Variants in TDRD12 observed in about 807,000 individuals in gnomAD.
The protein encoded by TDRD12 is tudor domain containing 12, also known as putative ATP-dependent RNA helicase TDRD12.
Under a neutral mutation model 133.5 loss-of-function variants are expected in TDRD12, and 158 were observed. The observed-to-expected ratio is 1.18, with a 90% CI of 1.04 to 1.35. The LOEUF is 1.35. TDRD12 is among the 40% of genes most tolerant of loss of function. The pLI, the probability that TDRD12 is intolerant of heterozygous loss-of-function variation, is 0.00. For synonymous variants in TDRD12, 460 were observed against 477.9 expected (o/e 0.96, Z 0.49); for missense variants, 1,443 against 1,321.3 (o/e 1.09, Z -1.43).
At chr19:32,762,679 C>A (rs1970184459) in intron 8 of TDRD12, among the ~76,000 whole-genome samples, 1 of 152,186 alleles carries the variant, frequency 6.6e-6, no homozygotes, top group Non-Finnish European at 1.5e-5. Context: ...TTTCCTCTGG[C>A]CCCTCGACTC....
exon 1 of TDRD12, chr19:32,720,017 C>A: frequency 6.5e-7 from 1 of 1,542,322 alleles, no homozygotes; most frequent in Non-Finnish European, 8.7e-7. Flanking sequence ...GCCTCACCCG[C>A]GACGGTAGGG....
chr19:32,734,638 G>A (rs1969170546), intron 2 of TDRD12, among the ~76,000 whole-genome samples: 1 of 152,064 alleles, frequency 6.6e-6, no homozygotes, highest in South Asian at 2.1e-4. Context: ...CTCCCAAAAC[G>A]CTGGGATTAC....
intron 23 of TDRD12, 122 bp from the exon 24 acceptor site, chr19:32,811,088 G>T (rs1966986029): frequency 1.4e-6 from 1 of 740,342 alleles, no homozygotes. Context: ...TTTATTTCTA[G>T]TATAGAGTAA....
chr19:32,774,106 C>T (rs1048075455), intron 10 of TDRD12, among the ~76,000 whole-genome samples: 4 of 152,228 alleles, frequency 2.6e-5, no homozygotes, highest in Admixed American at 6.5e-5. Flanking sequence ...CTTCAAGATA[C>T]ATGTCAGTGA....
chr19:32,777,316 A>C (rs1196801100), intron 11 of TDRD12, 87 bp downstream of exon 11: 2 of 878,054 alleles, frequency 2.3e-6, no homozygotes, highest in Non-Finnish European at 3.4e-6. Context: ...TTTTATTATT[A>C]ATTTCAAACC....
chr19:32,750,213 A>T (rs904851562), intron 6 of TDRD12, among the ~76,000 whole-genome samples: 2 of 152,116 alleles, frequency 1.3e-5, no homozygotes, highest in Non-Finnish European at 2.9e-5. Flanking sequence ...CACTGTATGT[A>T]ACGTGCTTGC....
intron 8 of TDRD12, among the ~76,000 whole-genome samples, chr19:32,765,141 C>A (rs1436563692): frequency 6.6e-6 from 1 of 152,220 alleles, no homozygotes; most frequent in Non-Finnish European, 1.5e-5. Flanking sequence ...TGAAAAAATG[C>A]TCATCATTGC....
At position 32,784,341 on chromosome 19, in the gene TDRD12, G is replaced by C. The variant is rs137900000; in HGVS notation, c.1122-6190G>C. ...AGCCTTTCATCCCAGGGATGAAGCC[G>C]ACTTGATCATGGTGGATAAGCTTTT... is the stretch of plus-strand genomic sequence containing the variant. On this transcript the variant is annotated intron_variant, in intron 11 of 27. Coordinates refer to ENST00000444215, the Ensembl canonical transcript of TDRD12. Among the ~76,000 whole-genome samples the C allele has an allele frequency of 4.5e-3, 683 of 152,152 alleles. 5 individuals carry two copies. The highest frequency in any genetic ancestry group is 0.016 in the African/African-American group (647 of 41,522).
At position 32,783,722 on chromosome 19, in the gene TDRD12, A is replaced by G. The variant is rs192439613; in HGVS notation, c.1121+6493A>G. On this transcript the variant is annotated intron_variant, in intron 11 of 27. Coordinates refer to ENST00000444215, the Ensembl canonical transcript of TDRD12. ...TTCCTAGGTATTTTATTCTCTTAGTAGCAATTGTGAATGGGAGTTCACTCA... is the reference window on the plus strand; with the variant it reads ...TTCCTAGGTATTTTATTCTCTTAGTGGCAATTGTGAATGGGAGTTCACTCA... 5.8e-3 allele frequency among the ~76,000 whole-genome samples: 880 copies of G among 152,256 alleles called. 9 individuals are homozygous for G. Among genetic ancestry groups the G allele is most frequent in the African/African-American group, 0.02 (829 of 41,532 alleles).
At chr19:32,753,623 C>T (rs1434507706) in intron 6 of TDRD12, among the ~76,000 whole-genome samples, 1 of 151,986 alleles carries the variant, frequency 6.6e-6, no homozygotes, top group Non-Finnish European at 1.5e-5. Context: ...CCTGCCTCAG[C>T]CTCCTGAGTA....
chr19:32,780,331 C>T (rs1167263818), intron 11 of TDRD12, among the ~76,000 whole-genome samples: 1 of 152,168 alleles, frequency 6.6e-6, no homozygotes, highest in Non-Finnish European at 1.5e-5. Flanking sequence ...GGTGATCTGC[C>T]TGCCATTAGC....
chr19:32,752,351 TG>T (rs1969856180), intron 6 of TDRD12, among the ~76,000 whole-genome samples: 1 of 152,074 alleles, frequency 6.6e-6, no homozygotes, highest in Non-Finnish European at 1.5e-5. Flanking sequence ...GCTAATTTTT[TG>T]TATTTTTAGT....
intron 9 of TDRD12, 24 bp downstream of exon 32, chr19:32,826,773 C>T (rs986208700): frequency 8.1e-7 from 1 of 1,228,156 alleles, no homozygotes; most frequent in Non-Finnish European, 1.0e-6. Context: ...CGCCCACTCT[C>T]CGAGGGGTTG....
intron 11 of TDRD12, among the ~76,000 whole-genome samples, chr19:32,778,523 G>A (rs936876122): frequency 2.0e-5 from 3 of 151,486 alleles, no homozygotes; most frequent in South Asian, 2.1e-4. Flanking sequence ...AATTGGAGAC[G>A]GAATCTTGCT....
Position 32,722,180 on chromosome 19 carries a change from G to A in TDRD12, c.24+2084G>A, listed in dbSNP as rs1968704562. On this transcript the variant is annotated intron_variant, in intron 1 of 27. Transcript: ENST00000444215. ...CAGGCGAGCTCCTCTCCTCCAGTCAGATGTTGTCTGTCAGTCCTAACGATG... is the reference window on the plus strand; with the variant it reads ...CAGGCGAGCTCCTCTCCTCCAGTCAAATGTTGTCTGTCAGTCCTAACGATG... Among the ~76,000 whole-genome samples, 2 of 152,172 alleles carry A rather than the reference G, an allele frequency of 1.3e-5. 1 individual carries two copies. Among genetic ancestry groups the A allele is most frequent in the Non-Finnish European group, 2.9e-5 (2 of 68,042 alleles).
intron 13 of TDRD12, among the ~76,000 whole-genome samples, 155 bp downstream of exon 13, chr19:32,791,223 C>T (rs1230763928): frequency 2.0e-5 from 3 of 152,184 alleles, no homozygotes; most frequent in East Asian, 3.9e-4. Flanking sequence ...CCACCACACT[C>T]GGCCTAATTT....
intron 26 of TDRD12, among the ~76,000 whole-genome samples, chr19:32,817,467 C>T (rs1967219774): frequency 6.6e-6 from 1 of 152,124 alleles, no homozygotes; most frequent in African/African-American, 2.4e-5. Context: ...AGCTCATCCT[C>T]CATGGCATGG....
At chr19:32,786,401 C>T (rs1231959732) in intron 11 of TDRD12, among the ~76,000 whole-genome samples, 1 of 152,088 alleles carries the variant, frequency 6.6e-6, no homozygotes, top group Non-Finnish European at 1.5e-5. Context: ...AATTGTGTGT[C>T]TTGGGGTTGC....
At chr19:32,801,698 G>A (rs764769332) in intron 18 of TDRD12, 58 bp from the exon 19 acceptor site, 10 of 553,108 alleles carry the variant, frequency 1.8e-5, no homozygotes, top group African/African-American at 9.7e-5. Flanking sequence ...TTGATGGAAC[G>A]GTTGGCTTCC....
Sources: allele counts gnomAD v4.1 joint callset (sites outside exome capture counted in the v4.1 genomes callset), GRCh38; gene constraint gnomAD v4.1.1; transcripts MANE v1.5; gene names NCBI Gene and HGNC (gene_info 2026-07-23, HGNC 2026-07-21).